QTMAN: variants seen among roughly 807,000 people sequenced by gnomAD.
The protein encoded by QTMAN is tRNA-queuosine alpha-mannosyltransferase.
chr2:144,003,675 G>A, the QTMAN span, among the ~76,000 whole-genome samples: 2 of 152,042 alleles, frequency 1.3e-5, no homozygotes, highest in African/African-American at 4.8e-5. Flanking sequence ...AATGAGGAGA[G>A]GGGCAAGCAT....
At chr2:144,125,408 C>T in the QTMAN span, among the ~76,000 whole-genome samples, 2 of 152,088 alleles carry the variant, frequency 1.3e-5, no homozygotes, top group African/African-American at 2.4e-5. Context: ...TGGATAAATT[C>T]CAACTTAGGT....
chr2:144,100,103 T>C, the QTMAN span, among the ~76,000 whole-genome samples: 66 of 152,262 alleles, frequency 4.3e-4, no homozygotes, highest in African/African-American at 1.5e-3. Context: ...ACGCTAATGC[T>C]CCCTGAAATT....
the QTMAN span, among the ~76,000 whole-genome samples, chr2:144,156,060 AT>A: frequency 2.0e-5 from 3 of 152,024 alleles, no homozygotes; most frequent in South Asian, 6.2e-4. Flanking sequence ...ATAACATCTA[AT>A]TTTTTTGGTG....
At chr2:143,952,636 A>C in the QTMAN span, 1 of 698,348 alleles carries the variant, frequency 1.4e-6, no homozygotes, top group Non-Finnish European at 2.6e-6. Context: ...TAAAACACAT[A>C]AAATTTTCCT....
the QTMAN span, among the ~76,000 whole-genome samples, chr2:144,310,464 T>C: frequency 6.6e-6 from 1 of 152,218 alleles, no homozygotes; most frequent in Non-Finnish European, 1.5e-5. Context: ...AGGATTTAAC[T>C]TGTTTTAACC....
the QTMAN span, chr2:144,210,743 GAAC>G: frequency 6.6e-6 from 1 of 152,088 alleles, no homozygotes; most frequent in Non-Finnish European, 1.5e-5. Flanking sequence ...GTAACTGAAA[GAAC>G]AATAAAAGGC....
chr2:144,196,090 T>C, the QTMAN span, among the ~76,000 whole-genome samples: 5 of 152,036 alleles, frequency 3.3e-5, no homozygotes, highest in African/African-American at 1.2e-4. Context: ...AAAATTCCCT[T>C]TGAAAATCCT....
chr2:144,014,670 A>G, the QTMAN span, among the ~76,000 whole-genome samples: 1 of 152,204 alleles, frequency 6.6e-6, no homozygotes, highest in Non-Finnish European at 1.5e-5. Flanking sequence ...CATTGAAAAG[A>G]GAATCTTCCA....
chr2:144,261,665 G>T, the QTMAN span, among the ~76,000 whole-genome samples: 1 of 152,144 alleles, frequency 6.6e-6, no homozygotes, highest in Non-Finnish European at 1.5e-5. Context: ...AAAGTTCTCA[G>T]GGAGACGACT....
At chr2:144,250,922 ATAT>A in the QTMAN span, among the ~76,000 whole-genome samples, 1 of 152,242 alleles carries the variant, frequency 6.6e-6, no homozygotes, top group East Asian at 1.9e-4. Flanking sequence ...GTTCCAAACA[ATAT>A]TATTTTAGAA....
the QTMAN span, among the ~76,000 whole-genome samples, chr2:144,244,699 C>G: frequency 6.6e-6 from 1 of 151,786 alleles, no homozygotes; most frequent in East Asian, 1.9e-4. Context: ...TATAGTGGAC[C>G]ATCATTTTCA....
At chr2:144,306,046 G>A in the QTMAN span, among the ~76,000 whole-genome samples, 1 of 152,058 alleles carries the variant, frequency 6.6e-6, no homozygotes, top group East Asian at 1.9e-4. Flanking sequence ...TCTTTTTCTC[G>A]ACAAATTGTC....
chr2:144,185,692 T>C, the QTMAN span, among the ~76,000 whole-genome samples: 1 of 152,188 alleles, frequency 6.6e-6, no homozygotes, highest in Non-Finnish European at 1.5e-5. Context: ...CAGGACTTTC[T>C]GAGTGACAAC....
chr2:143,958,414 T>C, the QTMAN span, among the ~76,000 whole-genome samples: 143 of 152,172 alleles, frequency 9.4e-4, no homozygotes, highest in South Asian at 4.6e-3. Context: ...TATGAAAACA[T>C]GAAATTACAA....
At chr2:143,949,465 TATG>T in the QTMAN span, among the ~76,000 whole-genome samples, 2 of 151,920 alleles carry the variant, frequency 1.3e-5, no homozygotes, top group Non-Finnish European at 2.9e-5. Flanking sequence ...GTGAACTCTA[TATG>T]ATAAGAAGTT....
At chr2:144,187,693 C>G in the QTMAN span, among the ~76,000 whole-genome samples, 2 of 152,018 alleles carry the variant, frequency 1.3e-5, no homozygotes, top group African/African-American at 2.4e-5. Context: ...TTAACGGTAA[C>G]AACAAAAACT....
chr2:144,280,550 A>G, the QTMAN span, among the ~76,000 whole-genome samples: 1 of 152,214 alleles, frequency 6.6e-6, no homozygotes, highest in Non-Finnish European at 1.5e-5. Context: ...AAATAAAAAC[A>G]GGAAAAGAAA....
the QTMAN span, among the ~76,000 whole-genome samples, chr2:143,981,326 T>C: frequency 1.3e-5 from 2 of 152,066 alleles, no homozygotes; most frequent in Admixed American, 6.5e-5. Flanking sequence ...TGAAATGACA[T>C]GAAGAACCAT....
the QTMAN span, among the ~76,000 whole-genome samples, chr2:144,204,328 C>G: frequency 6.6e-6 from 1 of 152,072 alleles, no homozygotes; most frequent in Non-Finnish European, 1.5e-5. Flanking sequence ...AACAAGTAGG[C>G]GAAGGATATG....
Sources: allele counts gnomAD v4.1 joint callset (sites outside exome capture counted in the v4.1 genomes callset), GRCh38; gene constraint gnomAD v4.1.1; transcripts MANE v1.5; gene names NCBI Gene and HGNC (gene_info 2026-07-23, HGNC 2026-07-21).